The following JAK2 variants were observed in gnomAD, a reference collection of about 807,000 sequenced individuals.
JAK2 encodes tyrosine-protein kinase JAK2.
A neutral mutation model predicts 139.3 loss-of-function variants in JAK2; 86 were observed. The ratio of observed to expected loss-of-function variants is 0.62; its 90% CI spans 0.52 to 0.74. The LOEUF (loss-of-function observed/expected upper bound fraction) is 0.74, where lower values mean the gene tolerates loss of function less well. JAK2 is among the 30% of genes least tolerant of loss of function. The pLI, the probability that JAK2 is intolerant of heterozygous loss-of-function variation, is 0.00. For missense variants in JAK2, 1,421 were observed against 1,360.3 expected (o/e 1.04, Z -0.70); for synonymous variants, 490 against 437.7 (o/e 1.12, Z -1.49).
At chr9:5,068,166 AAC>A (rs1818695715) in intron 10 of JAK2, among the ~76,000 whole-genome samples, 1 of 90,532 alleles carries the variant, frequency 1.1e-5, no homozygotes. Flanking sequence ...CTCAAAAAAA[AAC>A]AACAACAAAA....
At chr9:4,990,937 T>C (rs553031117) in intron 2 of JAK2, among the ~76,000 whole-genome samples, 13 of 152,174 alleles carry the variant, frequency 8.5e-5, no homozygotes, top group South Asian at 2.1e-4. Flanking sequence ...ACCTAGGAGA[T>C]ATTTTTCAAC....
At position 5,054,844 on chromosome 9, in the gene JAK2, C is replaced by G. The variant is rs2130412265; in HGVS notation, c.896C>G (p.Ser299Ter). 1 of 1,609,828 alleles carries G rather than the reference C, an allele frequency of 6.2e-7. No individual in the cohort carries two copies. The highest frequency in any genetic ancestry group is 8.5e-7 in the Non-Finnish European group (1 of 1,178,334). Residue 299 changes from serine (S) to a stop codon, truncating the protein, a stop_gained, in exon 7 of 25, where the codon TCA becomes TGA. Coordinates refer to ENST00000381652, the MANE Select transcript of JAK2 (RefSeq NM_004972.4). LOFTEE classifies it high-confidence loss of function. This position sits in a 1 kb window ranked among gnomAD's most constrained non-coding sequence, Gnocchi z 4.9. ...IITGNGGIQW[S>*]RGKHKESETL... is the part of the protein sequence containing the mutation. The stretch of plus-strand genomic sequence containing the variant: ...ACTGGAAACGGTGGAATTCAGTGGT[C>G]AAGAGGGAAACATAAAGAAAGTGAG...
chr9:5,103,167 A>G (rs1821655236), intron 22 of JAK2, among the ~76,000 whole-genome samples: 1 of 148,010 alleles, frequency 6.8e-6, no homozygotes, highest in East Asian at 2.0e-4. Flanking sequence ...GTGCAGAGAA[A>G]CACATGGGCT....
intron 4 of JAK2, among the ~76,000 whole-genome samples, chr9:5,042,268 G>C (rs1816635254): frequency 6.6e-6 from 1 of 151,654 alleles, no homozygotes; most frequent in African/African-American, 2.4e-5. Flanking sequence ...CTCCCAAGTA[G>C]CTGGGACTAC....
At chr9:5,033,714 C>T (rs963631117) in intron 4 of JAK2, among the ~76,000 whole-genome samples, 134 of 152,314 alleles carry the variant, frequency 8.8e-4, no homozygotes, top group African/African-American at 3.1e-3. Context: ...ACCACCAGGC[C>T]TGCCCTAAAA....
rs34901657 is a variant in JAK2, at chr9:5,025,538, C to CTTTT, written c.226+3335_226+3338dup. On this transcript the variant is annotated intron_variant, in intron 3 of 24. Coordinates refer to ENST00000381652, the MANE Select transcript of JAK2 (RefSeq NM_004972.4). ...TGTTTAAGTGGATAGAGTTTGTTTC[C>CTTTT]TTTTTTTTTTTTTGAGACTGAGTCT... Among the ~76,000 whole-genome samples, 55 of 140,374 alleles carry CTTTT rather than the reference C, an allele frequency of 3.9e-4. 2 individuals are homozygous for CTTTT. The highest frequency in any genetic ancestry group is 6.9e-4 in the Non-Finnish European group (45 of 64,862). 92.1% of individuals were successfully genotyped at this position (140,374 alleles called of 152,430 possible).
intron 19 of JAK2, among the ~76,000 whole-genome samples, chr9:5,087,988 A>C (rs967438748): frequency 6.6e-6 from 1 of 152,242 alleles, no homozygotes; most frequent in African/African-American, 2.4e-5. Flanking sequence ...CTAGAAAATA[A>C]ATTTTATGAA....
At chr9:4,999,183 T>TA (rs1820787002) in intron 2 of JAK2, among the ~76,000 whole-genome samples, 1 of 152,166 alleles carries the variant, frequency 6.6e-6, no homozygotes, top group African/African-American at 2.4e-5. Flanking sequence ...TGGCCCAAGG[T>TA]AAAATGATTA....
chr9:5,040,754 T>A (rs551177721), intron 4 of JAK2, among the ~76,000 whole-genome samples: 2 of 152,240 alleles, frequency 1.3e-5, no homozygotes, highest in Non-Finnish European at 2.9e-5. Flanking sequence ...GGGACCGTGG[T>A]GTGCCAGGCG....
chr9:5,073,527 C>T (rs987031809), intron 13 of JAK2, among the ~76,000 whole-genome samples, 171 bp from the exon 14 acceptor site: 2 of 152,274 alleles, frequency 1.3e-5, no homozygotes, highest in South Asian at 4.1e-4. Flanking sequence ...TTCCTCAGAA[C>T]GTTGATGGCA....
chr9:5,079,383 T>C lies in JAK2; in HGVS notation c.2132-846T>C, dbSNP rs767477835. On this transcript the variant is annotated intron_variant, in intron 16 of 24. Transcript: ENST00000381652. ...TGGTGGAATCAAAGACCACAGAAAC[T>C]TTACTTGAGAAATTCCGTGATTTGA... 3.0e-4 allele frequency among the ~76,000 whole-genome samples: 46 copies of C among 152,318 alleles called. No homozygotes were observed. The Middle Eastern group carries it at 0.017, about 56-fold the overall frequency.
chr9:5,111,978 T>TC (rs1167716075), intron 22 of JAK2: 5 of 349,478 alleles, frequency 1.4e-5, no homozygotes, highest in East Asian at 8.1e-5. Flanking sequence ...CGCCGTGGGC[T>TC]CCCCCCAGGG....
At chr9:4,990,415 C>A (rs1314251103) in intron 2 of JAK2, among the ~76,000 whole-genome samples, 2 of 152,042 alleles carry the variant, frequency 1.3e-5, no homozygotes, top group South Asian at 4.1e-4. Flanking sequence ...GACAGTTGAG[C>A]GTATATTGTG....
intron 19 of JAK2, among the ~76,000 whole-genome samples, chr9:5,089,392 G>C (rs1451993784): frequency 6.6e-6 from 1 of 152,072 alleles, no homozygotes; most frequent in African/African-American, 2.4e-5. Flanking sequence ...CAAAAAATTA[G>C]CTGGGCGTAT....
At chr9:5,032,393 G>A (rs1180645119) in intron 4 of JAK2, among the ~76,000 whole-genome samples, 1 of 152,236 alleles carries the variant, frequency 6.6e-6, no homozygotes, top group Non-Finnish European at 1.5e-5. Context: ...CAGCTTTGAA[G>A]AGTAGTGGTT....
intron 22 of JAK2, among the ~76,000 whole-genome samples, chr9:5,121,759 G>A (rs1276845919): frequency 1.3e-5 from 2 of 152,044 alleles, no homozygotes; most frequent in East Asian, 3.9e-4. Flanking sequence ...TTCAACAAGG[G>A]GAATTAATTT....
Position 5,128,164 on chromosome 9 carries a change from G to C in JAK2, c.*1373G>C, listed in dbSNP as rs2130871685. Reference sequence around the variant, plus strand: ...AAATACTTGCTGTTTTGATTAAAAAGAAAATAGTTTCTTACTTTATTTTTA... The same window carrying C: ...AAATACTTGCTGTTTTGATTAAAAACAAAATAGTTTCTTACTTTATTTTTA... On this transcript the variant is annotated 3_prime_UTR_variant, in exon 25 of 25. Coordinates refer to ENST00000381652, the MANE Select transcript of JAK2 (RefSeq NM_004972.4). 4.4e-6 allele frequency: 1 copy of C among 229,620 alleles called. No individual in the cohort carries two copies. The highest frequency in any genetic ancestry group is 5.7e-5 in the Admixed American group (1 of 17,524). The allele number at this position is 229,620 out of a possible 1,614,324, so 14.2% of individuals were successfully genotyped here. A position where few individuals can be genotyped will look rare whatever the true frequency, so the allele number is the denominator to read the frequency against.
chr9:5,033,774 C>T (rs936593012), intron 4 of JAK2, among the ~76,000 whole-genome samples: 4 of 152,162 alleles, frequency 2.6e-5, no homozygotes, highest in African/African-American at 9.7e-5. Flanking sequence ...TGGTACCAGC[C>T]ACTGCAAAAA....
chr9:5,040,952 A>G, intron 4 of JAK2: 1 of 474,270 alleles, frequency 2.1e-6, no homozygotes. Context: ...CAAGGAAAGA[A>G]TCTCTATACA....
Sources: gnomAD v4.1 joint callset for allele counts (sites outside exome capture counted in the v4.1 genomes callset) on GRCh38, gnomAD v4.1.1 for gene constraint, Gnocchi (gnomAD v3.1) non-coding constraint, MANE v1.5 for transcripts, NCBI Gene and HGNC (gene_info 2026-07-23, HGNC 2026-07-21) for gene names.